Variants in TBC1D14 observed in about 807,000 individuals in gnomAD.
TBC1D14 encodes TBC1 domain family, member 14.
Under a neutral mutation model 79.0 loss-of-function variants are expected in TBC1D14, and 26 were observed. The ratio of observed to expected loss-of-function variants is 0.33; its 90% CI spans 0.24 to 0.46. The LOEUF (loss-of-function observed/expected upper bound fraction) is 0.46. Ranked by LOEUF, TBC1D14 falls within the 20% of genes least tolerant of loss-of-function variation. TBC1D14 has a pLI of 1.00. For synonymous variants in TBC1D14, 394 were observed against 349.9 expected, an observed-to-expected ratio of 1.13 and a Z score of -1.40; for missense variants, 769 against 887.6, an observed-to-expected ratio of 0.87 and a Z score of 1.70.
chr4:6,910,481 C>A (rs1228703637), intron 1 of TBC1D14: 2 of 152,456 alleles, frequency 1.3e-5, no homozygotes, highest in Non-Finnish European at 2.9e-5. Context: ...CCTCCACCCA[C>A]GCGAACCGTC....
At chr4:7,027,752 C>T (rs1341516396) in intron 13 of TBC1D14, among the ~76,000 whole-genome samples, 1 of 140,274 alleles carries the variant, frequency 7.1e-6, no homozygotes, top group Non-Finnish European at 1.5e-5. Context: ...CACCCACATA[C>T]ACAATCACCC....
intron 2 of TBC1D14, among the ~76,000 whole-genome samples, chr4:6,945,698 G>A (rs1033701867): frequency 3.7e-4 from 54 of 147,044 alleles, no homozygotes; most frequent in African/African-American, 1.3e-3. Flanking sequence ...GCGGTGAGCC[G>A]AGATCGCGCC....
chr4:6,943,979 C>G (rs1167311070), intron 2 of TBC1D14, among the ~76,000 whole-genome samples: 1 of 152,200 alleles, frequency 6.6e-6, no homozygotes, highest in Non-Finnish European at 1.5e-5. Flanking sequence ...GGTTTCCGAT[C>G]GCGGGCACGG....
At chr4:6,987,291 C>G in intron 3 of TBC1D14, 1 of 1,355,414 alleles carries the variant, frequency 7.4e-7, no homozygotes, top group Non-Finnish European at 9.5e-7. Context: ...GGAGGCCGGC[C>G]CTCCGCTCGC....
intron 3 of TBC1D14, among the ~76,000 whole-genome samples, chr4:6,978,759 AAAG>A (rs1055075379): frequency 5.3e-5 from 8 of 151,078 alleles, no homozygotes; most frequent in South Asian, 2.1e-4. Flanking sequence ...AAAAAAAAGA[AAAG>A]AAAATCAGGG....
intron 2 of TBC1D14, among the ~76,000 whole-genome samples, chr4:6,958,108 T>G (rs1380596536): frequency 1.3e-5 from 2 of 152,170 alleles, no homozygotes; most frequent in African/African-American, 4.8e-5. Context: ...GGGATGGCAC[T>G]GCCTACTGTG....
chr4:6,959,075 C>T (rs11733522), intron 2 of TBC1D14, among the ~76,000 whole-genome samples: 44,381 of 151,758 alleles, frequency 0.29, 6,652 homozygotes, highest in Admixed American at 0.33. Context: ...TTAGTAGAGG[C>T]GGGGTTTCAC....
intron 3 of TBC1D14, among the ~76,000 whole-genome samples, chr4:6,987,733 G>A (rs1718018076): frequency 1.3e-5 from 2 of 152,208 alleles, no homozygotes; most frequent in South Asian, 2.1e-4. Context: ...CCTGCGATCC[G>A]ATGAGCCTTT....
At chr4:6,955,954 A>G (rs1302904965) in intron 2 of TBC1D14, among the ~76,000 whole-genome samples, 1 of 152,172 alleles carries the variant, frequency 6.6e-6, no homozygotes, top group African/African-American at 2.4e-5. Context: ...GGTTAAGTGC[A>G]ATAATAATTC....
chr4:6,990,806 C>G (rs778910841), intron 3 of TBC1D14, among the ~76,000 whole-genome samples: 40 of 152,188 alleles, frequency 2.6e-4, no homozygotes, highest in Non-Finnish European at 7.3e-5. Context: ...ACGACTCACC[C>G]AAGCCAGGAC....
chr4:6,934,859 C>T (rs1335169581), intron 2 of TBC1D14, among the ~76,000 whole-genome samples: 1 of 152,102 alleles, frequency 6.6e-6, no homozygotes, highest in Non-Finnish European at 1.5e-5. Context: ...GGGTGGATCA[C>T]TTTAAACTGG....
At chr4:6,955,969 G>A (rs1231182978) in intron 2 of TBC1D14, among the ~76,000 whole-genome samples, 1 of 152,072 alleles carries the variant, frequency 6.6e-6, no homozygotes, top group Non-Finnish European at 1.5e-5. Flanking sequence ...TAATTCTCAT[G>A]TAATCTTTAT....
At chr4:6,910,495 C>T (rs1369429754) in intron 1 of TBC1D14, 2 of 152,446 alleles carry the variant, frequency 1.3e-5, no homozygotes, top group Non-Finnish European at 2.9e-5. Flanking sequence ...AACCGTCTGT[C>T]CCTGGGCTAG....
chr4:7,017,121 C>T (rs1193455078), intron 12 of TBC1D14, among the ~76,000 whole-genome samples: 1 of 152,048 alleles, frequency 6.6e-6, no homozygotes, highest in Non-Finnish European at 1.5e-5. Flanking sequence ...GCCAATGTGG[C>T]GAAACCCCGT....
intron 3 of TBC1D14, among the ~76,000 whole-genome samples, chr4:6,973,751 C>T (rs1018032403): frequency 6.6e-6 from 1 of 152,154 alleles, no homozygotes; most frequent in Admixed American, 6.5e-5. Context: ...AAGCTCTGTA[C>T]TTCTGACTTG....
chr4:6,998,784 C>T, intron 5 of TBC1D14: 1 of 249,832 alleles, frequency 4.0e-6, no homozygotes, highest in Non-Finnish European at 7.9e-6. Flanking sequence ...GGTGATCCAC[C>T]CGCCTTGGCT....
intron 2 of TBC1D14, among the ~76,000 whole-genome samples, chr4:6,960,465 A>G (rs1275669170): frequency 6.6e-6 from 1 of 151,994 alleles, no homozygotes; most frequent in Non-Finnish European, 1.5e-5. Context: ...GTTCTTCCAG[A>G]GAGTCTGTGG....
At chr4:7,005,614 G>C (rs1021860732) in intron 8 of TBC1D14, among the ~76,000 whole-genome samples, 1 of 151,538 alleles carries the variant, frequency 6.6e-6, no homozygotes. Context: ...AAGGAGAATC[G>C]CTTAAACCCT....
intron 12 of TBC1D14, among the ~76,000 whole-genome samples, chr4:7,015,689 GT>G (rs1721210139): frequency 1.3e-5 from 2 of 152,136 alleles, no homozygotes; most frequent in African/African-American, 4.8e-5. Context: ...AGATCACATG[GT>G]GGGAAGAGGG....
Sources: gnomAD v4.1 joint callset for allele counts (sites outside exome capture counted in the v4.1 genomes callset) on GRCh38, gnomAD v4.1.1 for gene constraint, MANE v1.5 for transcripts, NCBI Gene and HGNC (gene_info 2026-07-23, HGNC 2026-07-21) for gene names.